The following FADD variants were observed in gnomAD, a reference collection of about 807,000 sequenced individuals.
The protein encoded by FADD is Fas associated via death domain.
FADD carries 3 observed loss-of-function variants against 5.8 expected under a neutral mutation model. The ratio of observed to expected loss-of-function variants is 0.52; its 90% CI spans 0.24 to 1.34. The LOEUF is 1.34. FADD is among the 40% of genes most tolerant of loss of function. The pLI, the probability that FADD is intolerant of heterozygous loss-of-function variation, is 0.17. For missense variants in FADD, 249 were observed against 286.7 expected (o/e 0.87, Z 0.95); for synonymous variants, 138 against 130.8 (o/e 1.06, Z -0.38).
chr11:70,206,099 C>T (rs1476109357), intron 1 of FADD, 34 bp from the exon 2 acceptor site: 1 of 1,582,502 alleles, frequency 6.3e-7, no homozygotes, highest in South Asian at 1.1e-5. Flanking sequence ...TGTCTCCAAA[C>T]CTATGGTAAA....
intron 1 of FADD, among the ~76,000 whole-genome samples, chr11:70,205,485 C>T (rs958210674): frequency 2.6e-5 from 4 of 152,140 alleles, no homozygotes; most frequent in East Asian, 1.9e-4. Context: ...TGCCACAGAC[C>T]GGCACACCCT....
chr11:70,205,870 C>T lies in FADD; in HGVS notation c.287-263C>T, dbSNP rs2049455810. Among the ~76,000 whole-genome samples the T allele has an allele frequency of 2.6e-5, 4 of 152,296 alleles. No individual in the cohort carries two copies. The South Asian group carries it at 6.2e-4, about 24-fold the overall frequency. ...TAAGTAGGTAGCTCCACTACAACTT[C>T]CTTTGGCACTTGAGTCTTCAGTGGG... is the stretch of plus-strand genomic sequence containing the variant. On this transcript the variant is annotated intron_variant, in intron 1 of 1. Coordinates refer to ENST00000301838, the MANE Select transcript of FADD (RefSeq NM_003824.4).
chr11:70,206,056 C>G, intron 1 of FADD, 77 bp from the exon 2 acceptor site: 1 of 1,297,090 alleles, frequency 7.7e-7, no homozygotes, highest in Admixed American at 1.9e-5. Context: ...GGCGTCTGTG[C>G]TGAAAAGCCC....
rs746799302 is a variant in FADD at position 70,206,479 on chromosome 11, C to T, written c.*6C>T. ...CTACCTCCGAAGCGTCCTGATGGGC[C>T]GCTGCTTTGCGCTGGTGGACCACAG... is the stretch of plus-strand genomic sequence containing the variant. On this transcript the variant is annotated 3_prime_UTR_variant, in exon 2 of 2. Transcript: ENST00000301838. The T allele has an allele frequency of 1.4e-5, 23 of 1,611,614 alleles. No individual in the cohort carries two copies. Among genetic ancestry groups the T allele is most frequent in the Admixed American group, 5.0e-5 (3 of 59,980 alleles).
Position 70,204,382 on chromosome 11 carries a change from T to C in FADD, c.286+637T>C, listed in dbSNP as rs1202967031. On this transcript the variant is annotated intron_variant, in intron 1 of 1. Transcript: ENST00000301838. ...TACACTGCCTCTCTGGTCAAGTTCA[T>C]TGTGGAGTGGCTTCCTGTCCTGCTC... Among the ~76,000 whole-genome samples, 4 of 152,202 alleles carry C rather than the reference T, an allele frequency of 2.6e-5. No homozygotes were observed. In the East Asian group the frequency reaches 7.7e-4, roughly 29 times the overall value.
Position 70,204,944 on chromosome 11 carries a change from ACT to A in FADD, c.287-1186_287-1185del, listed in dbSNP as rs41268225. On this transcript the variant is annotated intron_variant, in intron 1 of 1. Coordinates refer to ENST00000301838, the MANE Select transcript of FADD (RefSeq NM_003824.4). ...GGTATGGACAGGTTGGTAGCGGGCG[ACT>A]CTGCCTTCCTCCCCAGAAGTTCAGC... Among the ~76,000 whole-genome samples the A allele has an allele frequency of 5.9e-3, 890 of 151,992 alleles. 8 individuals are homozygous for A. Among genetic ancestry groups the A allele is most frequent in the African/African-American group, 0.019 (770 of 41,446 alleles).
chr11:70,206,412 G>A lies in FADD; in HGVS notation c.566G>A (p.Arg189Lys). 1.2e-6 allele frequency: 2 copies of A among 1,614,162 alleles called. No homozygotes were observed. The highest frequency in any genetic ancestry group is 2.2e-5 in the South Asian group (2 of 91,080). Residue 189 changes from arginine (R) to lysine (K), a missense_variant, in exon 2 of 2, where the codon AGG (arginine) becomes AAG (lysine). Physicochemically the swap from Arg to Lys is conservative, Grantham distance 26. Transcript: ENST00000301838. ...CAGCAGGCCCGTGACCTCCAGAACA[G>A]GAGTGGGGCCATGTCCCCGATGTCA... ...EVQQARDLQN[R>K]SGAMSPMSWN...
At position 70,203,351 on chromosome 11, in the gene FADD, A is replaced by G; in HGVS notation, c.-109A>G. 3.3e-6 allele frequency: 5 copies of G among 1,515,762 alleles called. No homozygotes were observed. Among genetic ancestry groups the G allele is most frequent in the Middle Eastern group, 4.7e-4 (2 of 4,262 alleles). 93.9% of individuals were successfully genotyped at this position (1,515,762 alleles called of 1,614,324 possible). ...CACCGGAGTGCAGGTTCGGGGGTGG[A>G]ATCCTTGGGCCGCTGGGCAAGCGGC... is the stretch of plus-strand genomic sequence containing the variant. On this transcript the variant is annotated 5_prime_UTR_variant, in exon 1 of 2. Transcript: ENST00000301838.
In FADD at chr11:70,203,715, G is replaced by A. The variant is rs755241747; in HGVS notation, c.256G>A (p.Ala86Thr). Reference protein sequence around the residue: ...LRRVDDFEAGAAAGAAPGEED... With the variant: ...LRRVDDFEAGTAAGAAPGEED... ...GCGCGTCGACGACTTCGAGGCGGGG[G>A]CGGCGGCCGGGGCCGCGCCTGGGGA... Residue 86 changes from alanine (A) to threonine (T), a missense_variant, in exon 1 of 2, where the codon GCG becomes ACG. By Grantham distance (58) the Ala-to-Thr change is moderately conservative (BLOSUM62 0). Transcript: ENST00000301838. 5 of 1,427,890 alleles carry A rather than the reference G, an allele frequency of 3.5e-6. No homozygotes were observed. Among genetic ancestry groups the A allele is most frequent in the Non-Finnish European group, 3.6e-6 (4 of 1,097,956 alleles). The allele number at this position is 1,427,890 out of a possible 1,614,324, so 88.5% of individuals were successfully genotyped here. A position where few individuals can be genotyped will look rare whatever the true frequency, so the allele number is the denominator to read the frequency against.
rs149060259 is a variant in FADD at position 70,204,595 on chromosome 11, C to T, written c.286+850C>T. ...AGCTTGGAATCAGCCATTCAGTCACCAATCAGATAGGGCCTAAATGTGTCA... is the reference window on the plus strand; with the variant it reads ...AGCTTGGAATCAGCCATTCAGTCACTAATCAGATAGGGCCTAAATGTGTCA... On this transcript the variant is annotated intron_variant, in intron 1 of 1. Transcript: ENST00000301838. 1.8e-3 allele frequency among the ~76,000 whole-genome samples: 280 copies of T among 152,226 alleles called. 1 individual carries two copies. The highest frequency in any genetic ancestry group is 3.1e-3 in the Non-Finnish European group (210 of 68,020).
At chr11:70,205,788 A>G (rs1204339741) in intron 1 of FADD, among the ~76,000 whole-genome samples, 1 of 152,208 alleles carries the variant, frequency 6.6e-6, no homozygotes, top group African/African-American at 2.4e-5. Flanking sequence ...ATGTGGGATC[A>G]ACCCTATTTT....
rs773659237 is a variant in FADD, at chr11:70,203,650, G to T, written c.191G>T (p.Arg64Leu). The change falls in exon 1 of 2, where the codon CGC (arginine) becomes CTC (leucine). Residue 64 changes from arginine to leucine, a missense_variant. By Grantham distance (102) the Arg-to-Leu change is moderately radical (BLOSUM62 -2). Coordinates refer to ENST00000301838, the MANE Select transcript of FADD (RefSeq NM_003824.4). ...DLEPGHTELLRELLASLRRHD... is the reference protein window; with the variant it reads ...DLEPGHTELLLELLASLRRHD... ...GAGCCCGGGCACACCGAGCTCCTGC[G>T]CGAGCTGCTCGCCTCCCTGCGGCGC... The T allele has an allele frequency of 1.3e-6, 2 of 1,569,864 alleles. No homozygotes were observed. Among genetic ancestry groups the T allele is most frequent in the Non-Finnish European group, 1.7e-6 (2 of 1,161,976 alleles).
chr11:70,203,372 G>GCGGCGAGACCTGGCCAGGGC lies in FADD; in HGVS notation c.-86_-67dup, dbSNP rs1475190113. ...GTGGAATCCTTGGGCCGCTGGGCAA[G>GCGGCGAGACCTGGCCAGGGC]CGGCGAGACCTGGCCAGGGCCAGCG... On this transcript the variant is annotated 5_prime_UTR_variant, in exon 1 of 2. Transcript: ENST00000301838. The GCGGCGAGACCTGGCCAGGGC allele has an allele frequency of 7.3e-5, 112 of 1,530,464 alleles. No individual in the cohort carries two copies. The highest frequency in any genetic ancestry group is 9.4e-5 in the Non-Finnish European group (107 of 1,139,608). 94.8% of individuals were successfully genotyped at this position (1,530,464 alleles called of 1,614,324 possible).
At position 70,203,604 on chromosome 11, in the gene FADD, C is replaced by T. The variant is rs1235959474; in HGVS notation, c.145C>T (p.Leu49=). The T allele has an allele frequency of 6.2e-7, 1 of 1,608,170 alleles. No homozygotes were observed. Among genetic ancestry groups the T allele is most frequent in the Admixed American group, 1.7e-5 (1 of 59,696 alleles). Residue 49 remains leucine (L), a synonymous_variant, in exon 1 of 2, where the codon CTG becomes TTG. Coordinates refer to ENST00000301838, the MANE Select transcript of FADD (RefSeq NM_003824.4). The part of the protein sequence containing the change: ...VQSGLDLFSM[L]LEQNDLEPGH... Reference sequence around the variant, plus strand: ...GAGCGGCCTAGACCTCTTCTCCATGCTGCTGGAGCAGAACGACCTGGAGCC... The same window carrying T: ...GAGCGGCCTAGACCTCTTCTCCATGTTGCTGGAGCAGAACGACCTGGAGCC...
chr11:70,204,183 A>G (rs1261997463), intron 1 of FADD, among the ~76,000 whole-genome samples: 1 of 152,154 alleles, frequency 6.6e-6, no homozygotes, highest in East Asian at 1.9e-4. Context: ...TGCCAAATAC[A>G]ATTTTCGCAG....
chr11:70,206,803 T>C lies in FADD; in HGVS notation c.*330T>C, dbSNP rs1028442088. On this transcript the variant is annotated 3_prime_UTR_variant, in exon 2 of 2. Transcript: ENST00000301838. ...CTGTGCAGATGAGCAGTCACACTGTTACTCCACAGCGGAGGAGACCAGCTC... is the reference window on the plus strand; with the variant it reads ...CTGTGCAGATGAGCAGTCACACTGTCACTCCACAGCGGAGGAGACCAGCTC... 2 of 363,822 alleles carry C rather than the reference T, an allele frequency of 5.5e-6. No homozygotes were observed. Among genetic ancestry groups the C allele is most frequent in the Non-Finnish European group, 1.0e-5 (2 of 191,778 alleles). 22.5% of individuals were successfully genotyped at this position (363,822 alleles called of 1,614,324 possible). A position where few individuals can be genotyped will look rare whatever the true frequency, so the allele number is the denominator to read the frequency against.
At position 70,206,573 on chromosome 11, in the gene FADD, A is replaced by G; in HGVS notation, c.*100A>G. 8.9e-7 allele frequency: 1 copy of G among 1,122,614 alleles called. No homozygotes were observed. Among genetic ancestry groups the G allele is most frequent in the Non-Finnish European group, 1.3e-6 (1 of 766,616 alleles). The allele number at this position is 1,122,614 out of a possible 1,614,324, so 69.5% of individuals were successfully genotyped here. A position where few individuals can be genotyped will look rare whatever the true frequency, so the allele number is the denominator to read the frequency against. The stretch of plus-strand genomic sequence containing the variant: ...CCAGCACTGTGAAGACCCAGCAGGA[A>G]GCCAGGCTGAGTGAGCCACAGACCA... On this transcript the variant is annotated 3_prime_UTR_variant, in exon 2 of 2. Coordinates refer to ENST00000301838, the MANE Select transcript of FADD (RefSeq NM_003824.4).
rs1484977978 is a variant in FADD, at chr11:70,203,356, T to C, written c.-104T>C. The C allele has an allele frequency of 2.0e-6, 3 of 1,522,514 alleles. No homozygotes were observed. The highest frequency in any genetic ancestry group is 4.3e-5 in the Admixed American group (2 of 46,474). 94.3% of individuals were successfully genotyped at this position (1,522,514 alleles called of 1,614,324 possible). ...GAGTGCAGGTTCGGGGGTGGAATCC[T>C]TGGGCCGCTGGGCAAGCGGCGAGAC... On this transcript the variant is annotated 5_prime_UTR_variant, in exon 1 of 2. Coordinates refer to ENST00000301838, the MANE Select transcript of FADD (RefSeq NM_003824.4).
Position 70,203,433 on chromosome 11 carries a change from C to G in FADD, c.-27C>G. 1 of 1,553,248 alleles carries G rather than the reference C, an allele frequency of 6.4e-7. No individual in the cohort carries two copies. The highest frequency in any genetic ancestry group is 1.2e-5 in the South Asian group (1 of 84,788). On this transcript the variant is annotated 5_prime_UTR_variant, in exon 1 of 2. Coordinates refer to ENST00000301838, the MANE Select transcript of FADD (RefSeq NM_003824.4). ...AGAGGGCGCACGGAGGGCCGGGCCG[C>G]AGCCCCGGCCGCTTGCAGACCCCGC... is the stretch of plus-strand genomic sequence containing the variant.
Sources: gnomAD v4.1 joint callset for allele counts (sites outside exome capture counted in the v4.1 genomes callset) on GRCh38, gnomAD v4.1.1 for gene constraint, MANE v1.5 for transcripts, NCBI Gene and HGNC (gene_info 2026-07-23, HGNC 2026-07-21) for gene names.